The following B4GALT6 variants were observed in gnomAD, a reference collection of about 807,000 sequenced individuals.
B4GALT6 encodes the protein beta-1,4-galactosyltransferase 6, also known as UDP-Gal:beta-GlcNAc beta-1,4-galactosyltransferase 6.
B4GALT6 carries 14 observed loss-of-function variants against 46.3 expected under a neutral mutation model. The observed-to-expected ratio is 0.30, with a 90% confidence interval of 0.20 to 0.47. The LOEUF (loss-of-function observed/expected upper bound fraction) is 0.47, where lower values mean the gene tolerates loss of function less well. Among genes scored for constraint, B4GALT6 ranks in the 20% least tolerant of loss-of-function variants. The probability of loss-of-function intolerance (pLI) is 0.99; values close to 1 mark genes in which losing one functional copy is unlikely to be tolerated. For synonymous variants in B4GALT6, 168 were observed against 162.0 expected, an observed-to-expected ratio of 1.04 and a Z score of -0.28; for missense variants, 386 against 480.1, an observed-to-expected ratio of 0.80 and a Z score of 1.83.
At chr18:31,713,858 G>A in the B4GALT6 span, among the ~76,000 whole-genome samples, 2 of 152,220 alleles carry the variant, frequency 1.3e-5, no homozygotes, top group South Asian at 2.1e-4. Flanking sequence ...GAGTTAATTG[G>A]TGCGTCACAG....
upstream of B4GALT6, among the ~76,000 whole-genome samples, chr18:31,685,122 G>C (rs1216157717): frequency 1.4e-5 from 2 of 145,216 alleles, no homozygotes; most frequent in Admixed American, 6.8e-5. Flanking sequence ...CGGCCGCCGC[G>C]GGAGCTGAGC....
chr18:31,640,791 G>C (rs373789743), intron 4 of B4GALT6, among the ~76,000 whole-genome samples: 1 of 152,198 alleles, frequency 6.6e-6, no homozygotes, highest in East Asian at 1.9e-4. Context: ...TATACTGAGG[G>C]GCACTTACTG....
intron 2 of B4GALT6, chr18:31,658,458 C>T (rs931737360): frequency 5.8e-6 from 1 of 171,486 alleles, no homozygotes; most frequent in Non-Finnish European, 1.3e-5. Context: ...TGTTCCAAAC[C>T]GCTGCGTGCT....
the B4GALT6 span, among the ~76,000 whole-genome samples, chr18:31,696,146 G>T: frequency 1.3e-5 from 2 of 152,106 alleles, no homozygotes; most frequent in African/African-American, 2.4e-5. Context: ...CAAAAATCAT[G>T]GGCACATGGA....
the B4GALT6 span, among the ~76,000 whole-genome samples, chr18:31,717,684 G>A: frequency 6.6e-6 from 1 of 152,166 alleles, no homozygotes; most frequent in Admixed American, 6.5e-5. Context: ...GCGGGATGTG[G>A]TGGCTCACAC....
chr18:31,668,093 T>C (rs1321547620), intron 1 of B4GALT6, among the ~76,000 whole-genome samples: 2 of 139,234 alleles, frequency 1.4e-5, no homozygotes, highest in Non-Finnish European at 3.1e-5. Context: ...CAAGACTCCA[T>C]CTCAAAAAAA....
rs78927947 is a variant in B4GALT6, at chr18:31,651,752, C to G, written c.346+6224G>C. Among the ~76,000 whole-genome samples the G allele has an allele frequency of 5.9e-3, 901 of 152,172 alleles. 8 individuals carry two copies. The highest frequency in any genetic ancestry group is 0.02 in the African/African-American group (848 of 41,514). On this transcript the variant is annotated intron_variant, in intron 3 of 8. Transcript: ENST00000306851. ...ACCTCCCTTGTGCTTCTCCCTCATC[C>G]TTCCCAGTTCTCTTCTCTTCATCTT...
At chr18:31,633,842 C>T (rs764407035) in intron 5 of B4GALT6, among the ~76,000 whole-genome samples, 6 of 152,194 alleles carry the variant, frequency 3.9e-5, no homozygotes, top group Non-Finnish European at 7.3e-5. Flanking sequence ...CCTTACCACT[C>T]TCTACCCTGA....
intron 4 of B4GALT6, among the ~76,000 whole-genome samples, chr18:31,644,828 C>G (rs1175362481): frequency 6.6e-6 from 1 of 152,198 alleles, no homozygotes; most frequent in Non-Finnish European, 1.5e-5. Context: ...AGCCCAAAGT[C>G]CAACTTTTCA....
At chr18:31,704,822 T>A in the B4GALT6 span, among the ~76,000 whole-genome samples, 2 of 152,204 alleles carry the variant, frequency 1.3e-5, no homozygotes, top group Non-Finnish European at 2.9e-5. Flanking sequence ...AGTAAGTGGC[T>A]CAGAGTCTTA....
chr18:31,640,372 G>A (rs575038542), intron 4 of B4GALT6, among the ~76,000 whole-genome samples: 5 of 152,154 alleles, frequency 3.3e-5, no homozygotes, highest in East Asian at 1.9e-4. Context: ...TGTATTTTAC[G>A]TTACCAGGAT....
chr18:31,643,592 CCCTG>C (rs1161053866), intron 4 of B4GALT6, among the ~76,000 whole-genome samples: 3 of 152,164 alleles, frequency 2.0e-5, no homozygotes, highest in African/African-American at 7.2e-5. Context: ...AACCTTAGAT[CCCTG>C]AATTAGTTTG....
intron 1 of B4GALT6, among the ~76,000 whole-genome samples, chr18:31,673,610 T>TAG (rs2074382380): frequency 1.3e-5 from 2 of 152,166 alleles, no homozygotes; most frequent in African/African-American, 4.8e-5. Flanking sequence ...TGAACTAACA[T>TAG]TTACTAAGTG....
intron 3 of B4GALT6, among the ~76,000 whole-genome samples, chr18:31,656,913 A>G (rs549271571): frequency 2.0e-4 from 31 of 152,324 alleles, no homozygotes; most frequent in African/African-American, 6.7e-4. Flanking sequence ...TAAAAACACA[A>G]ACATAGGAAA....
At chr18:31,670,055 ATCTT>A (rs2074332254) in intron 1 of B4GALT6, among the ~76,000 whole-genome samples, 1 of 151,220 alleles carries the variant, frequency 6.6e-6, no homozygotes, top group African/African-American at 2.4e-5. Flanking sequence ...AAAAATGATG[ATCTT>A]TTTTTTTTTT....
At chr18:31,700,453 G>GTGTGTGTC in the B4GALT6 span, among the ~76,000 whole-genome samples, 6 of 142,436 alleles carry the variant, frequency 4.2e-5, no homozygotes, top group Non-Finnish European at 7.7e-5. Context: ...GTGTGTGTGT[G>GTGTGTGTC]TGTGTGTGTG....
intron 5 of B4GALT6, among the ~76,000 whole-genome samples, chr18:31,632,978 C>A (rs1410538953): frequency 6.6e-6 from 1 of 152,126 alleles, no homozygotes; most frequent in East Asian, 1.9e-4. Flanking sequence ...ATCACCTACG[C>A]CTTTTCCTTG....
intron 2 of B4GALT6, 61 bp from the exon 3 acceptor site, chr18:31,658,150 A>G: frequency 8.5e-7 from 1 of 1,175,242 alleles, no homozygotes; most frequent in Non-Finnish European, 1.2e-6. Flanking sequence ...TCTCCCTGGA[A>G]TGAAATACGT....
At chr18:31,651,781 C>T (rs1034002811) in intron 3 of B4GALT6, among the ~76,000 whole-genome samples, 4 of 152,054 alleles carry the variant, frequency 2.6e-5, no homozygotes, top group Non-Finnish European at 4.4e-5. Flanking sequence ...TCATCTTTTT[C>T]TTTTTTTGAG....
Sources: gnomAD v4.1 joint callset for allele counts (sites outside exome capture counted in the v4.1 genomes callset) on GRCh38, gnomAD v4.1.1 for gene constraint, MANE v1.5 for transcripts, NCBI Gene and HGNC (gene_info 2026-07-23, HGNC 2026-07-21) for gene names.